TMEM9: variants seen among roughly 807,000 people sequenced by gnomAD.
The protein encoded by TMEM9 is transmembrane protein 9.
In TMEM9, 13 loss-of-function variants were observed where a neutral mutation model predicts 22.8. The ratio of observed to expected loss-of-function variants is 0.57; its 90% confidence interval spans 0.37 to 0.91. The LOEUF (loss-of-function observed/expected upper bound fraction) is 0.91. TMEM9 is among the 40% of genes least tolerant of loss of function. TMEM9 has a pLI of 0.01. For missense variants in TMEM9, 182 were observed against 238.1 expected (o/e 0.76, Z 1.55); for synonymous variants, 88 against 93.0 (o/e 0.95, Z 0.31).
At chr1:201,154,710 CCCTT>C (rs1488504869), upstream of TMEM9, among the ~76,000 whole-genome samples, 1 of 152,222 alleles carries the variant, frequency 6.6e-6, no homozygotes, top group African/African-American at 2.4e-5. Context: ...CGGTGCTTCT[CCCTT>C]CCTTGTATTA....
At chr1:201,160,599 A>T (rs1665915853) in intron 1 of TMEM9, among the ~76,000 whole-genome samples, 1 of 147,250 alleles carries the variant, frequency 6.8e-6, no homozygotes, top group African/African-American at 2.5e-5. Context: ...CAAAAAAAAA[A>T]TATTGAGGTT....
Position 201,153,912 on chromosome 1 carries a change from T to G in TMEM9, c.12A>C (p.Leu4Phe). ...AACACCCGACCACAGCCACCAAAGATAAGAGCTTCATGCTTATCAGGCTTG... is the reference window on the plus strand; with the variant it reads ...AACACCCGACCACAGCCACCAAAGAGAAGAGCTTCATGCTTATCAGGCTTG... MKL[L>F]SLVAVVGCLL... Residue 4 changes from leucine (L) to phenylalanine (F), a missense_variant, in exon 1 of 5, where the codon TTA (leucine) becomes TTC (phenylalanine). By Grantham distance (22) the Leu-to-Phe change is conservative. Coordinates refer to ENST00000367330, the MANE Select transcript of TMEM9 (RefSeq NM_001288565.2). The G allele has an allele frequency of 6.2e-7, 1 of 1,613,116 alleles. No homozygotes were observed. The highest frequency in any genetic ancestry group is 1.1e-5 in the South Asian group (1 of 90,986).
At chr1:201,148,613 G>C (rs1269206792) in intron 2 of TMEM9, among the ~76,000 whole-genome samples, 1 of 152,212 alleles carries the variant, frequency 6.6e-6, no homozygotes, top group Admixed American at 6.5e-5. Flanking sequence ...CAGGAGTCCT[G>C]CAAGAGTCAA....
intron 3 of TMEM9, chr1:201,144,730 C>T (rs1456840854): frequency 6.6e-6 from 1 of 152,136 alleles, no homozygotes; most frequent in Admixed American, 6.5e-5. Flanking sequence ...GTTGGTAATA[C>T]ACCTGTTATT....
chr1:201,139,919 C>T lies in TMEM9; in HGVS notation c.399+3901G>A, dbSNP rs1023148485. Among the ~76,000 whole-genome samples the T allele has an allele frequency of 3.3e-5, 5 of 152,250 alleles. No homozygotes were observed. In the South Asian group the frequency reaches 1.0e-3, roughly 32 times the overall value. On this transcript the variant is annotated intron_variant, in intron 4 of 4. Coordinates refer to ENST00000367330, the MANE Select transcript of TMEM9 (RefSeq NM_001288565.2). ...GATTAACCACAATGCTGTGCTGCCC[C>T]ACTGGAGGCTCTAGAAGCGTCTGTT...
intron 4 of TMEM9, among the ~76,000 whole-genome samples, chr1:201,136,906 C>T (rs954495725): frequency 6.6e-6 from 1 of 152,244 alleles, no homozygotes; most frequent in South Asian, 2.1e-4. Flanking sequence ...CAAGCTGGCA[C>T]GGCTTCTGTC....
chr1:201,140,440 C>A (rs1664419585), intron 4 of TMEM9, among the ~76,000 whole-genome samples: 1 of 152,238 alleles, frequency 6.6e-6, no homozygotes, highest in South Asian at 2.1e-4. Context: ...TGCTGGAATC[C>A]CAGGGGAGGC....
intron 4 of TMEM9, among the ~76,000 whole-genome samples, chr1:201,142,383 G>A (rs1199529929): frequency 6.6e-6 from 1 of 152,172 alleles, no homozygotes; most frequent in African/African-American, 2.4e-5. Context: ...GTGAGGAACT[G>A]GCTCATGGTC....
chr1:201,146,867 G>A lies in TMEM9; in HGVS notation c.159-19C>T. On this transcript the variant is annotated intron_variant, in intron 2 of 4. Transcript: ENST00000367330. ...GCAGTTGCTACAACAGAGAGAGACA[G>A]GGCTGTCGAGGCAGGGCCACCACGT... The A allele has an allele frequency of 1.2e-6, 2 of 1,611,434 alleles. No homozygotes were observed. Among genetic ancestry groups the A allele is most frequent in the South Asian group, 1.1e-5 (1 of 91,034 alleles).
chr1:201,146,979 G>C, intron 2 of TMEM9, 131 bp from the exon 3 acceptor site: 1 of 738,140 alleles, frequency 1.4e-6, no homozygotes, highest in South Asian at 1.7e-5. Context: ...CCCAGAGAGG[G>C]CCAAGGGCTT....
chr1:201,147,628 C>T (rs1207064576), intron 2 of TMEM9, among the ~76,000 whole-genome samples: 2 of 152,348 alleles, frequency 1.3e-5, no homozygotes, highest in East Asian at 1.9e-4. Context: ...TACCTTCCCA[C>T]GGCAGCCAAG....
At chr1:201,156,405 C>G (rs1302414122), upstream of TMEM9, among the ~76,000 whole-genome samples, 1 of 152,188 alleles carries the variant, frequency 6.6e-6, no homozygotes, top group African/African-American at 2.4e-5. Context: ...CTGTTTTCAG[C>G]ACATCGCTCA....
At chr1:201,165,584 G>A (rs2102295982) in intron 1 of TMEM9, among the ~76,000 whole-genome samples, 1 of 151,952 alleles carries the variant, frequency 6.6e-6, no homozygotes, top group Non-Finnish European at 1.5e-5. Flanking sequence ...TTACAGGTGT[G>A]CGCCACCACG....
chr1:201,157,986 A>G (rs777008512), upstream of TMEM9, among the ~76,000 whole-genome samples: 1 of 152,208 alleles, frequency 6.6e-6, no homozygotes, highest in Non-Finnish European at 1.5e-5. Context: ...TTGGTTGGGG[A>G]GAGTGGCTTG....
chr1:201,140,506 G>A (rs1171582931), intron 4 of TMEM9, among the ~76,000 whole-genome samples: 2 of 152,212 alleles, frequency 1.3e-5, no homozygotes, highest in Non-Finnish European at 2.9e-5. Context: ...AAGGGAACAT[G>A]ACAAGCTTTC....
intron 4 of TMEM9, among the ~76,000 whole-genome samples, chr1:201,139,577 C>T (rs1293542016): frequency 6.6e-6 from 1 of 152,170 alleles, no homozygotes; most frequent in Non-Finnish European, 1.5e-5. Context: ...CTCACCTCCC[C>T]CCTTACCCCC....
intron 3 of TMEM9, chr1:201,144,152 C>T (rs1664766081): frequency 1.8e-6 from 1 of 551,514 alleles, no homozygotes; most frequent in South Asian, 2.1e-5. Flanking sequence ...AGGAAGCACT[C>T]TGTCCTAACT....
chr1:201,165,922 G>A (rs1310158873), intron 1 of TMEM9, among the ~76,000 whole-genome samples: 4 of 152,182 alleles, frequency 2.6e-5, no homozygotes, highest in Admixed American at 6.5e-5. Context: ...CAGATACGCT[G>A]TAAGTCTGCC....
At chr1:201,145,834 C>T (rs1243575089) in intron 3 of TMEM9, among the ~76,000 whole-genome samples, 2 of 152,136 alleles carry the variant, frequency 1.3e-5, no homozygotes, top group Non-Finnish European at 2.9e-5. Flanking sequence ...TGGTGATGTG[C>T]ACCTGTGGTC....
Sources: gnomAD v4.1 joint callset for allele counts (sites outside exome capture counted in the v4.1 genomes callset) on GRCh38, gnomAD v4.1.1 for gene constraint, MANE v1.5 for transcripts, NCBI Gene and HGNC (gene_info 2026-07-23, HGNC 2026-07-21) for gene names.